The following ALKBH1 variants were observed in gnomAD, a reference collection of about 807,000 sequenced individuals.
The protein encoded by ALKBH1 is alkB homolog 1, histone H2A dioxygenase.
In ALKBH1, 31 loss-of-function variants were observed where a neutral mutation model predicts 36.6. That is an observed-to-expected ratio of 0.85 (90% CI 0.64 to 1.14). The LOEUF (loss-of-function observed/expected upper bound fraction) is 1.14, where lower values mean the gene tolerates loss of function less well. ALKBH1 is among the 50% of genes most tolerant of loss of function. ALKBH1 has a pLI of 0.00. For missense variants in ALKBH1, 490 were observed against 497.3 expected (o/e 0.99, Z 0.14); for synonymous variants, 183 against 186.6 (o/e 0.98, Z 0.16).
intron 2 of ALKBH1, among the ~76,000 whole-genome samples, chr14:77,699,582 G>A (rs909440531): frequency 6.6e-6 from 1 of 152,172 alleles, no homozygotes; most frequent in Admixed American, 6.5e-5. Flanking sequence ...GAATTTCAGA[G>A]GGGTAACATG....
At chr14:77,688,463 C>A (rs1268106588) in intron 3 of ALKBH1, among the ~76,000 whole-genome samples, 3 of 151,870 alleles carry the variant, frequency 2.0e-5, no homozygotes, top group African/African-American at 2.4e-5. Context: ...ACCATGTTGG[C>A]CAGGATGGTC....
chr14:77,705,005 T>C (rs1241544409), intron 1 of ALKBH1, among the ~76,000 whole-genome samples: 1 of 152,238 alleles, frequency 6.6e-6, no homozygotes, highest in Admixed American at 6.5e-5. Flanking sequence ...TGAAATATCT[T>C]GAGTCACAAA....
rs2080183954 is a variant in ALKBH1, at chr14:77,672,921, C to T, written c.*891G>A. The T allele has an allele frequency of 6.6e-6, 1 of 152,012 alleles. No individual in the cohort carries two copies. The highest frequency in any genetic ancestry group is 2.1e-4 in the South Asian group (1 of 4,828). 9.4% of individuals were successfully genotyped at this position (152,012 alleles called of 1,614,324 possible). A position where few individuals can be genotyped will look rare whatever the true frequency, so the allele number is the denominator to read the frequency against. ...ACAGCCACAAAGAATACTTAGGGCA[C>T]AGCAGAATGGTGTAGGGCAGAAACA... On this transcript the variant is annotated 3_prime_UTR_variant, in exon 6 of 6. Transcript: ENST00000216489.
At chr14:77,685,709 A>C (rs1462963394) in intron 3 of ALKBH1, among the ~76,000 whole-genome samples, 1 of 151,734 alleles carries the variant, frequency 6.6e-6, no homozygotes, top group Non-Finnish European at 1.5e-5. Flanking sequence ...AGAAGGTTGC[A>C]GTAGACCAAG....
Position 77,704,358 on chromosome 14 carries a change from G to C in ALKBH1, c.292+11C>G. ...AGTGATATTGCCTTCTCTGAGGTCA[G>C]TTACACTCACCAGGATAGCCTTTGA... On this transcript the variant is annotated intron_variant, in intron 2 of 5. Transcript: ENST00000216489. 1 of 1,600,126 alleles carries C rather than the reference G, an allele frequency of 6.2e-7. No individual in the cohort carries two copies. Among genetic ancestry groups the C allele is most frequent in the Non-Finnish European group, 8.6e-7 (1 of 1,167,350 alleles).
chr14:77,693,808 G>A (rs1447698651), intron 3 of ALKBH1, among the ~76,000 whole-genome samples: 3 of 152,078 alleles, frequency 2.0e-5, no homozygotes, highest in East Asian at 1.9e-4. Context: ...CCAACATGGC[G>A]AAACCCCATC....
At chr14:77,675,880 T>C in intron 4 of ALKBH1, 31 bp from the exon 5 acceptor site, 1 of 1,546,430 alleles carries the variant, frequency 6.5e-7, no homozygotes, top group Non-Finnish European at 8.9e-7. Flanking sequence ...ATAAGAAAAA[T>C]AAACAATGAT....
rs1320180647 is a variant in ALKBH1 at position 77,673,823 on chromosome 14, G to A, written c.1159C>T (p.Pro387Ser). The A allele has an allele frequency of 1.2e-6, 2 of 1,613,090 alleles. No individual in the cohort carries two copies. The highest frequency in any genetic ancestry group is 8.5e-7 in the Non-Finnish European group (1 of 1,179,366). Residue 387 changes from proline (P) to serine (S), a missense_variant, in exon 6 of 6, where the codon CCT becomes TCT. By Grantham distance (74) the Pro-to-Ser change is moderately conservative (BLOSUM62 -1). Transcript: ENST00000216489. ...NSEVKRARIN[P>S]DS ...GGGATCTCCAAGTCTCAGCTGTCAG[G>A]GTTTATCCTGGCCCGTTTTACTTCG...
chr14:77,690,951 G>A (rs920008224), intron 3 of ALKBH1, among the ~76,000 whole-genome samples: 5 of 152,078 alleles, frequency 3.3e-5, no homozygotes, highest in Admixed American at 2.0e-4. Context: ...ATAGGCATGC[G>A]CCACCATGCC....
At position 77,679,763 on chromosome 14, in the gene ALKBH1, G is replaced by A. The variant is rs80305505; in HGVS notation, c.546+117C>T. ...GATTTTTTAAGGAAATAAAAGAAAGGGATCCTCCCACAAATGTATAATCTT... is the reference window on the plus strand; with the variant it reads ...GATTTTTTAAGGAAATAAAAGAAAGAGATCCTCCCACAAATGTATAATCTT... On this transcript the variant is annotated intron_variant, in intron 4 of 5. Coordinates refer to ENST00000216489, the MANE Select transcript of ALKBH1 (RefSeq NM_006020.3). 1,727 of 778,360 alleles carry A rather than the reference G, an allele frequency of 2.2e-3. 15 individuals carry two copies. In the African/African-American group the frequency reaches 0.027, roughly 12 times the overall value. 48.2% of individuals were successfully genotyped at this position (778,360 alleles called of 1,614,324 possible).
At chr14:77,683,580 C>CT (rs978083367) in intron 3 of ALKBH1, 622 of 457,028 alleles carry the variant, frequency 1.4e-3, no homozygotes, top group East Asian at 2.0e-3. Context: ...CATCATCCTC[C>CT]TTTTTTTTTG....
chr14:77,695,198 G>C (rs1241173773), intron 2 of ALKBH1, among the ~76,000 whole-genome samples: 1 of 152,104 alleles, frequency 6.6e-6, no homozygotes, highest in East Asian at 1.9e-4. Flanking sequence ...ATCAGGTCTT[G>C]ACACTTAGAG....
At position 77,675,703 on chromosome 14, in the gene ALKBH1, G is replaced by C; in HGVS notation, c.693C>G (p.His231Gln). The C allele has an allele frequency of 1.2e-6, 2 of 1,614,120 alleles. No individual in the cohort carries two copies. The highest frequency in any genetic ancestry group is 2.2e-5 in the South Asian group (2 of 91,080). Residue 231 changes from histidine to glutamine, a missense_variant, in exon 5 of 6, where the codon CAC becomes CAG. By Grantham distance (24) the His-to-Gln change is conservative. Coordinates refer to ENST00000216489, the MANE Select transcript of ALKBH1 (RefSeq NM_006020.3). ...YYRLDSTLGIHVDRSELDHSK... is the reference protein window; with the variant it reads ...YYRLDSTLGIQVDRSELDHSK... ...AGTGATCTAGCTCAGATCTGTCTAC[G>C]TGGATTCCCAGTGTGGAGTCCAGGC...
chr14:77,678,469 A>T (rs1314262447), intron 4 of ALKBH1, among the ~76,000 whole-genome samples: 1 of 151,532 alleles, frequency 6.6e-6, no homozygotes, highest in Non-Finnish European at 1.5e-5. Flanking sequence ...TGTGAGGATC[A>T]CCTGAGTCTG....
chr14:77,695,556 C>G (rs1014608970), intron 2 of ALKBH1, among the ~76,000 whole-genome samples: 1 of 152,178 alleles, frequency 6.6e-6, no homozygotes, highest in African/African-American at 2.4e-5. Flanking sequence ...GAAGTCTAAG[C>G]CCCAGTTCCA....
intron 2 of ALKBH1, among the ~76,000 whole-genome samples, chr14:77,702,462 C>T (rs2080364677): frequency 6.6e-6 from 1 of 151,988 alleles, no homozygotes; most frequent in African/African-American, 2.4e-5. Context: ...TTTCGGTGGT[C>T]ATAACGTATT....
At chr14:77,681,134 G>A (rs2080235708) in intron 3 of ALKBH1, among the ~76,000 whole-genome samples, 1 of 151,904 alleles carries the variant, frequency 6.6e-6, no homozygotes, top group Non-Finnish European at 1.5e-5. Context: ...GTGTAAAAAA[G>A]AAAAAATCAG....
At chr14:77,684,754 C>A (rs1392836969) in intron 3 of ALKBH1, among the ~76,000 whole-genome samples, 1 of 152,072 alleles carries the variant, frequency 6.6e-6, no homozygotes, top group African/African-American at 2.4e-5. Flanking sequence ...CTCTATGTTG[C>A]CCAGGTGGGT....
At chr14:77,680,906 C>T (rs2080234342) in intron 3 of ALKBH1, among the ~76,000 whole-genome samples, 1 of 152,008 alleles carries the variant, frequency 6.6e-6, no homozygotes, top group Non-Finnish European at 1.5e-5. Context: ...GAACTCCTGA[C>T]CTCAGGTGAT....
Sources: allele counts gnomAD v4.1 joint callset (sites outside exome capture counted in the v4.1 genomes callset), GRCh38; gene constraint gnomAD v4.1.1; transcripts MANE v1.5; gene names NCBI Gene and HGNC (gene_info 2026-07-23, HGNC 2026-07-21).